SLC30A8: variants seen among roughly 807,000 people sequenced by gnomAD.
SLC30A8 encodes proton-coupled zinc antiporter SLC30A8.
A neutral mutation model predicts 36.9 loss-of-function variants in SLC30A8; 27 were observed. The ratio of observed to expected loss-of-function variants is 0.73; its 90% CI spans 0.54 to 1.01. The LOEUF (loss-of-function observed/expected upper bound fraction) is 1.01. SLC30A8 is among the 50% of genes least tolerant of loss of function. SLC30A8 has a pLI of 0.00. For missense variants in SLC30A8, 439 were observed against 452.0 expected (o/e 0.97, Z 0.26); for synonymous variants, 164 against 172.4 (o/e 0.95, Z 0.38).
chr8:117,119,477 G>A (rs2130897009), intron 2 of SLC30A8, among the ~76,000 whole-genome samples: 1 of 151,972 alleles, frequency 6.6e-6, no homozygotes, highest in Non-Finnish European at 1.5e-5. Flanking sequence ...TAGTCCAAGA[G>A]GAAGTCAAGG....
intron 1 of SLC30A8, among the ~76,000 whole-genome samples, chr8:117,009,612 C>G (rs925122589): frequency 2.0e-5 from 3 of 152,162 alleles, no homozygotes; most frequent in African/African-American, 7.2e-5. Flanking sequence ...TAGTTTGTAT[C>G]AAAACACTTT....
chr8:117,054,711 A>G (rs576929169), intron 2 of SLC30A8, among the ~76,000 whole-genome samples: 2 of 150,430 alleles, frequency 1.3e-5, no homozygotes, highest in African/African-American at 4.9e-5. Flanking sequence ...GATATGAGGT[A>G]TTCCAGAAAA....
intron 1 of SLC30A8, among the ~76,000 whole-genome samples, chr8:116,961,368 G>A (rs1027812083): frequency 5.3e-5 from 8 of 152,168 alleles, no homozygotes; most frequent in African/African-American, 1.9e-4. Flanking sequence ...GGCAGAGCTT[G>A]CAGTGAGCCG....
chr8:116,999,552 A>G (rs1815936791), intron 1 of SLC30A8, among the ~76,000 whole-genome samples: 1 of 152,246 alleles, frequency 6.6e-6, no homozygotes, highest in African/African-American at 2.4e-5. Flanking sequence ...GAATTCATAA[A>G]CACATGAAGA....
intron 1 of SLC30A8, among the ~76,000 whole-genome samples, chr8:116,964,933 G>T (rs1434479790): frequency 6.6e-6 from 1 of 152,096 alleles, no homozygotes; most frequent in Non-Finnish European, 1.5e-5. Flanking sequence ...AGTAGGTAGT[G>T]CTTTTTGTTT....
intron 2 of SLC30A8, among the ~76,000 whole-genome samples, chr8:117,088,987 C>T (rs1342395435): frequency 6.6e-6 from 1 of 152,226 alleles, no homozygotes; most frequent in Admixed American, 6.5e-5. Context: ...CTTGAACATG[C>T]ATACATTCTT....
chr8:117,078,230 C>G (rs1297118539), intron 2 of SLC30A8, among the ~76,000 whole-genome samples: 1 of 152,066 alleles, frequency 6.6e-6, no homozygotes, highest in African/African-American at 2.4e-5. Flanking sequence ...CTTAGAGGTC[C>G]CACAGTAATG....
intron 2 of SLC30A8, among the ~76,000 whole-genome samples, chr8:117,042,080 T>C (rs1817404574): frequency 6.6e-6 from 1 of 152,236 alleles, no homozygotes; most frequent in Admixed American, 6.5e-5. Context: ...CCAGTACATT[T>C]TATCTTCTGT....
intron 7 of SLC30A8, 138 bp downstream of exon 7, chr8:117,171,306 G>T: frequency 1.0e-6 from 1 of 954,654 alleles, no homozygotes; most frequent in Non-Finnish European, 1.6e-6. Context: ...ATTACCAAGG[G>T]CCTTTGAAAC....
At chr8:116,978,461 A>AAAAATGTCATAAAACTG (rs1815131938) in intron 1 of SLC30A8, among the ~76,000 whole-genome samples, 1 of 152,098 alleles carries the variant, frequency 6.6e-6, no homozygotes, top group African/African-American at 2.4e-5. Flanking sequence ...GATGCTTTAT[A>AAAAATGTCATAAAACTG]TAGTCTTTTC....
rs1406931758 is a variant in SLC30A8 at position 117,176,451 on chromosome 8, T to C, written c.*3770T>C. 6.6e-6 allele frequency: 1 copy of C among 152,446 alleles called. No homozygotes were observed. Among genetic ancestry groups the C allele is most frequent in the Non-Finnish European group, 1.5e-5 (1 of 67,974 alleles). 9.4% of individuals were successfully genotyped at this position (152,446 alleles called of 1,614,324 possible). A position where few individuals can be genotyped will look rare whatever the true frequency, so the allele number is the denominator to read the frequency against. ...CTGTTTAAATGACTAATTACAGAAA[T>C]CATTAAAGGCACCAAGCAAATGTCA... is the stretch of plus-strand genomic sequence containing the variant. On this transcript the variant is annotated 3_prime_UTR_variant, in exon 8 of 8. Transcript: ENST00000456015.
intron 2 of SLC30A8, among the ~76,000 whole-genome samples, chr8:117,094,345 G>A (rs1183979724): frequency 6.6e-6 from 1 of 152,186 alleles, no homozygotes; most frequent in African/African-American, 2.4e-5. Flanking sequence ...TTGAGCAGCA[G>A]CTCAGAGGAG....
At chr8:117,016,534 CGCTAACA>C (rs1325526005) in intron 1 of SLC30A8, among the ~76,000 whole-genome samples, 1 of 152,172 alleles carries the variant, frequency 6.6e-6, no homozygotes, top group East Asian at 1.9e-4. Context: ...TTGAAATGCA[CGCTAACA>C]GCTGCTAGTT....
intron 2 of SLC30A8, among the ~76,000 whole-genome samples, chr8:117,087,005 G>A (rs1818905451): frequency 6.6e-6 from 1 of 152,132 alleles, no homozygotes. Flanking sequence ...TATGTATATA[G>A]GCATTTCACA....
At chr8:117,014,481 A>G (rs1350812957) in intron 1 of SLC30A8, among the ~76,000 whole-genome samples, 1 of 152,186 alleles carries the variant, frequency 6.6e-6, no homozygotes, top group Non-Finnish European at 1.5e-5. Flanking sequence ...AGCTGTTTAA[A>G]CATGATGCTA....
intron 3 of SLC30A8, among the ~76,000 whole-genome samples, chr8:117,156,461 C>T (rs1297456808): frequency 6.6e-6 from 1 of 152,138 alleles, no homozygotes; most frequent in Non-Finnish European, 1.5e-5. Context: ...AATTCAGGCT[C>T]AAATAGGTTA....
intron 2 of SLC30A8, among the ~76,000 whole-genome samples, chr8:117,095,874 A>G (rs1819338007): frequency 6.6e-6 from 1 of 152,182 alleles, no homozygotes; most frequent in African/African-American, 2.4e-5. Context: ...TGTATTTAGT[A>G]TTATGGAGTA....
At chr8:116,961,811 C>T (rs1393980018) in intron 1 of SLC30A8, among the ~76,000 whole-genome samples, 1 of 151,858 alleles carries the variant, frequency 6.6e-6, no homozygotes, top group Admixed American at 6.6e-5. Flanking sequence ...GTCGCTCAGA[C>T]TAGAGTGTAG....
At chr8:117,160,689 C>T (rs752114182) in intron 4 of SLC30A8, among the ~76,000 whole-genome samples, 2 of 152,150 alleles carry the variant, frequency 1.3e-5, no homozygotes, top group Non-Finnish European at 2.9e-5. Context: ...ATCTGTCAGC[C>T]ATATCAGGCT....
Sources: gnomAD v4.1 joint callset for allele counts (sites outside exome capture counted in the v4.1 genomes callset) on GRCh38, gnomAD v4.1.1 for gene constraint, MANE v1.5 for transcripts, NCBI Gene and HGNC (gene_info 2026-07-23, HGNC 2026-07-21) for gene names.